The following ARSB variants were observed in gnomAD, a reference collection of about 807,000 sequenced individuals.
ARSB encodes the protein N-acetylgalactosamine-4-sulfatase.
Under a neutral mutation model 50.9 loss-of-function variants are expected in ARSB, and 41 were observed. The observed-to-expected ratio is 0.81, with a 90% CI of 0.63 to 1.04. ARSB has a LOEUF of 1.04. Ranked by LOEUF, ARSB falls within the 50% of genes least tolerant of loss-of-function variation. The pLI is 0.00. For synonymous variants in ARSB, 269 were observed against 284.8 expected, an observed-to-expected ratio of 0.94 and a Z score of 0.56; for missense variants, 672 against 693.3, an observed-to-expected ratio of 0.97 and a Z score of 0.35.
At position 78,831,470 on chromosome 5, in the gene ARSB, G is replaced by A. The variant is rs142355186; in HGVS notation, c.1213+7886C>T. On this transcript the variant is annotated intron_variant, in intron 6 of 7. Coordinates refer to ENST00000264914, the MANE Select transcript of ARSB (RefSeq NM_000046.5). ...TCTAGCAAGGCTAATGTGACTACTCGACCCATTTTTCCAGCCTCCTTTAAA... is the reference window on the plus strand; with the variant it reads ...TCTAGCAAGGCTAATGTGACTACTCAACCCATTTTTCCAGCCTCCTTTAAA... Among the ~76,000 whole-genome samples the A allele has an allele frequency of 1.0e-3, 159 of 152,156 alleles. 1 individual carries two copies. The highest frequency in any genetic ancestry group is 3.7e-3 in the African/African-American group (152 of 41,504).
chr5:78,780,756 T>G, intron 7 of ARSB, 94 bp from the exon 8 acceptor site: 1 of 1,470,788 alleles, frequency 6.8e-7, no homozygotes, highest in Non-Finnish European at 9.4e-7. Context: ...TGCACTGGGT[T>G]GTGGGTGTGG....
chr5:78,929,325 G>C (rs144076754), intron 4 of ARSB, among the ~76,000 whole-genome samples: 1 of 152,244 alleles, frequency 6.6e-6, no homozygotes, highest in East Asian at 1.9e-4. Context: ...TTTCAGTCTA[G>C]AGGGCAAGGA....
chr5:78,817,424 A>G (rs1744037146), intron 6 of ARSB, among the ~76,000 whole-genome samples: 1 of 152,170 alleles, frequency 6.6e-6, no homozygotes. Flanking sequence ...AAGTATGTGT[A>G]GATCCTGCAG....
chr5:78,929,750 G>GCCA (rs1459161693), intron 4 of ARSB, among the ~76,000 whole-genome samples: 2 of 144,494 alleles, frequency 1.4e-5, no homozygotes, highest in African/African-American at 5.2e-5. Context: ...CCGAGATCGC[G>GCCA]CCACTGCACT....
intron 4 of ARSB, among the ~76,000 whole-genome samples, chr5:78,950,426 A>G (rs1055128718): frequency 1.3e-5 from 2 of 152,138 alleles, no homozygotes; most frequent in Non-Finnish European, 2.9e-5. Context: ...AAGGGATGGC[A>G]CTAATTTAAG....
At chr5:78,815,945 T>A (rs1436321411) in intron 6 of ARSB, 5 of 1,537,206 alleles carry the variant, frequency 3.3e-6, no homozygotes, top group Non-Finnish European at 4.4e-6. Context: ...ACTTTTCCTA[T>A]GATGCCAGGT....
chr5:78,921,039 C>A (rs1245521510), intron 4 of ARSB, among the ~76,000 whole-genome samples: 1 of 152,108 alleles, frequency 6.6e-6, no homozygotes, highest in Non-Finnish European at 1.5e-5. Context: ...CTCTCATAAA[C>A]CTTGATGAAT....
intron 6 of ARSB, chr5:78,816,097 G>C (rs1435257184): frequency 6.2e-7 from 1 of 1,614,126 alleles, no homozygotes; most frequent in Non-Finnish European, 8.5e-7. Flanking sequence ...TACAACAGCA[G>C]CGAGCACTCA....
chr5:78,927,457 C>T (rs1750107072), intron 4 of ARSB, among the ~76,000 whole-genome samples: 2 of 152,166 alleles, frequency 1.3e-5, no homozygotes, highest in South Asian at 4.1e-4. Context: ...AATAACTGAG[C>T]TCTTCCTGCC....
At chr5:78,801,395 G>A (rs1038943710) in intron 6 of ARSB, among the ~76,000 whole-genome samples, 2 of 152,174 alleles carry the variant, frequency 1.3e-5, no homozygotes, top group African/African-American at 2.4e-5. Context: ...AAGTCTAGAC[G>A]ATGAATAGAG....
In ARSB at chr5:78,821,705, T is replaced by C. The variant is rs113234635; in HGVS notation, c.1213+17651A>G. On this transcript the variant is annotated intron_variant, in intron 6 of 7. Transcript: ENST00000264914. The stretch of plus-strand genomic sequence containing the variant: ...CGGTGCATATCTTCTAGAATGCTTC[T>C]ACTTATTAGCTCAAGATTTCAATAA... Among the ~76,000 whole-genome samples, 364 of 152,358 alleles carry C rather than the reference T, an allele frequency of 2.4e-3. 1 individual carries two copies. The highest frequency in any genetic ancestry group is 4.6e-3 in the Admixed American group (70 of 15,302).
At chr5:78,893,066 A>G (rs1270271286) in intron 4 of ARSB, among the ~76,000 whole-genome samples, 1 of 150,452 alleles carries the variant, frequency 6.6e-6, no homozygotes, top group African/African-American at 2.4e-5. Context: ...TCACAGGGGC[A>G]GATTCCCCCA....
chr5:78,800,026 G>C lies in ARSB; in HGVS notation c.1214-18052C>G, dbSNP rs73767421. 7.1e-3 allele frequency among the ~76,000 whole-genome samples: 1,075 copies of C among 152,286 alleles called. 7 individuals are homozygous for C. Among genetic ancestry groups the C allele is most frequent in the African/African-American group, 0.025 (1,020 of 41,556 alleles). ...TTGGCTTTCTGAATGAGCAAGAGAAGCAAAGTAGCGGCCAGTCGCGGTGGC... is the reference window on the plus strand; with the variant it reads ...TTGGCTTTCTGAATGAGCAAGAGAACCAAAGTAGCGGCCAGTCGCGGTGGC... On this transcript the variant is annotated intron_variant, in intron 6 of 7. Coordinates refer to ENST00000264914, the MANE Select transcript of ARSB (RefSeq NM_000046.5).
At chr5:78,797,402 G>A (rs1012647624) in intron 6 of ARSB, among the ~76,000 whole-genome samples, 1 of 152,188 alleles carries the variant, frequency 6.6e-6, no homozygotes, top group African/African-American at 2.4e-5. Context: ...AACCCAGACT[G>A]TTGTTTTGTG....
chr5:78,969,661 G>A (rs1223656670), intron 1 of ARSB, among the ~76,000 whole-genome samples: 1 of 152,144 alleles, frequency 6.6e-6, no homozygotes, highest in Non-Finnish European at 1.5e-5. Context: ...TTGTTGCCCA[G>A]GCTGGAGTGC....
chr5:78,816,510 C>A (rs1365976144), intron 6 of ARSB, among the ~76,000 whole-genome samples: 1 of 152,178 alleles, frequency 6.6e-6, no homozygotes, highest in Non-Finnish European at 1.5e-5. Context: ...TGGTCTTCAC[C>A]CCCTGGTGTT....
chr5:78,923,198 T>C (rs1580066908), intron 4 of ARSB, among the ~76,000 whole-genome samples: 1 of 152,220 alleles, frequency 6.6e-6, no homozygotes, highest in Non-Finnish European at 1.5e-5. Context: ...TCATGCTCCA[T>C]CTCACTGGGA....
chr5:78,833,425 T>C (rs895345657), intron 6 of ARSB, among the ~76,000 whole-genome samples: 2 of 152,206 alleles, frequency 1.3e-5, no homozygotes, highest in Admixed American at 6.5e-5. Flanking sequence ...GGGTACTATC[T>C]GAACAGAGAC....
intron 5 of ARSB, among the ~76,000 whole-genome samples, chr5:78,880,297 G>T (rs186989498): frequency 6.6e-6 from 1 of 152,234 alleles, no homozygotes; most frequent in East Asian, 1.9e-4. Context: ...TTAGCTATAT[G>T]GACAAACATC....
Sources: gnomAD v4.1 joint callset for allele counts (sites outside exome capture counted in the v4.1 genomes callset) on GRCh38, gnomAD v4.1.1 for gene constraint, MANE v1.5 for transcripts, NCBI Gene and HGNC (gene_info 2026-07-23, HGNC 2026-07-21) for gene names.